ASAP1: variants seen among roughly 807,000 people sequenced by gnomAD.
ASAP1 encodes the protein ArfGAP with SH3 domain, ankyrin repeat and PH domain 1.
A neutral mutation model predicts 145.2 loss-of-function variants in ASAP1; 43 were observed. The ratio of observed to expected loss-of-function variants is 0.30; its 90% CI spans 0.23 to 0.38. The LOEUF is 0.38. Among genes scored for constraint, ASAP1 ranks in the 10% least tolerant of loss-of-function variants. The pLI is 1.00. For missense variants in ASAP1, 1,018 were observed against 1,355.3 expected, an observed-to-expected ratio of 0.75 and a Z score of 3.91; for synonymous variants, 546 against 515.5, an observed-to-expected ratio of 1.06 and a Z score of -0.80.
chr8:130,255,022 C>T (rs1192765574), intron 3 of ASAP1, among the ~76,000 whole-genome samples: 3 of 152,142 alleles, frequency 2.0e-5, no homozygotes, highest in Non-Finnish European at 2.9e-5. Flanking sequence ...TCTAGAGAGA[C>T]TAAGTGACTT....
chr8:130,157,589 C>A lies in ASAP1; in HGVS notation c.1010+2275G>T, dbSNP rs1464024226. 2.9e-4 allele frequency among the ~76,000 whole-genome samples: 44 copies of A among 152,102 alleles called. 1 individual carries two copies. Among genetic ancestry groups the A allele is most frequent in the Admixed American group, 2.9e-3 (44 of 15,252 alleles). ...GATTATGTCACTCTTGTGCTCAAAA[C>A]CCTCTAATGATTCCCCACCTCACGG... On this transcript the variant is annotated intron_variant, in intron 12 of 29. Coordinates refer to ENST00000518721, the MANE Select transcript of ASAP1 (RefSeq NM_018482.4).
intron 3 of ASAP1, among the ~76,000 whole-genome samples, chr8:130,242,475 A>G (rs1818598658): frequency 6.6e-6 from 1 of 151,916 alleles, no homozygotes; most frequent in Non-Finnish European, 1.5e-5. Flanking sequence ...ACTTTGGCCT[A>G]ATTTTGGTTT....
At chr8:130,163,703 A>T (rs2097674255) in intron 11 of ASAP1, among the ~76,000 whole-genome samples, 1 of 151,886 alleles carries the variant, frequency 6.6e-6, no homozygotes, top group Non-Finnish European at 1.5e-5. Context: ...CATTAACAAC[A>T]ATTTAAAAAC....
At chr8:130,159,719 C>T in intron 12 of ASAP1, 145 bp downstream of exon 12, 1 of 647,236 alleles carries the variant, frequency 1.5e-6, no homozygotes, top group Non-Finnish European at 2.7e-6. Context: ...CTGGTCAAAT[C>T]TCGGATTTAC....
chr8:130,307,763 C>T (rs917175782), intron 3 of ASAP1, among the ~76,000 whole-genome samples: 1 of 152,142 alleles, frequency 6.6e-6, no homozygotes, highest in African/African-American at 2.4e-5. Context: ...CAAAAGCCTG[C>T]GGAAAGTCAA....
intron 2 of ASAP1, among the ~76,000 whole-genome samples, chr8:130,369,776 G>A (rs1011779550): frequency 3.3e-5 from 5 of 152,228 alleles, no homozygotes; most frequent in African/African-American, 1.2e-4. Context: ...TGGTAGGAAT[G>A]TAAAATGGTG....
At chr8:130,264,311 C>T (rs1004793660) in intron 3 of ASAP1, among the ~76,000 whole-genome samples, 2 of 152,166 alleles carry the variant, frequency 1.3e-5, no homozygotes, top group Non-Finnish European at 2.9e-5. Context: ...TGTCAGAAAA[C>T]GCTGCTGGGA....
chr8:130,065,647 T>C (rs1381338747), intron 27 of ASAP1, among the ~76,000 whole-genome samples: 1 of 152,192 alleles, frequency 6.6e-6, no homozygotes, highest in African/African-American at 2.4e-5. Context: ...GGCCATTCCT[T>C]GGTTTTCAAT....
At chr8:130,386,402 T>C (rs1054740611) in intron 2 of ASAP1, among the ~76,000 whole-genome samples, 10 of 152,198 alleles carry the variant, frequency 6.6e-5, no homozygotes, top group African/African-American at 2.4e-4. Context: ...GCCGAGTCCA[T>C]AGCTTGAAGC....
At chr8:130,262,687 T>C (rs1172289517) in intron 3 of ASAP1, among the ~76,000 whole-genome samples, 1 of 152,180 alleles carries the variant, frequency 6.6e-6, no homozygotes, top group Non-Finnish European at 1.5e-5. Context: ...AAAATATTTA[T>C]AAAATAGGCT....
Position 130,054,785 on chromosome 8 carries a change from C to T in ASAP1, c.3336G>A (p.Gln1112=), listed in dbSNP as rs1349216253. The change falls in exon 30 of 30, where the codon CAG becomes CAA. Residue 1112 remains glutamine, a synonymous_variant. Coordinates refer to ENST00000518721, the MANE Select transcript of ASAP1 (RefSeq NM_018482.4). ...QEWWIGHIEG[Q]PERKGVFPVS... is the part of the protein sequence containing the mutation. ...CTGGAAAGACCCCCTTCCTTTCAGG[C>T]TGTCCTTCGATGTGGCCAATCTGCA... 6.2e-7 allele frequency: 1 copy of T among 1,613,614 alleles called. No individual in the cohort carries two copies. Among genetic ancestry groups the T allele is most frequent in the South Asian group, 1.1e-5 (1 of 91,080 alleles).
chr8:130,408,281 T>A (rs984125196), intron 1 of ASAP1, among the ~76,000 whole-genome samples: 5 of 152,346 alleles, frequency 3.3e-5, no homozygotes, highest in South Asian at 2.1e-4. Context: ...TGCAAGAGAT[T>A]AGCCTTTGAA....
At chr8:130,299,150 G>T (rs1175461077) in intron 3 of ASAP1, among the ~76,000 whole-genome samples, 1 of 152,146 alleles carries the variant, frequency 6.6e-6, no homozygotes, top group Non-Finnish European at 1.5e-5. Context: ...CTGCAGGTCT[G>T]CCCAGAGGCT....
At chr8:130,426,997 C>T (rs997322968) in intron 1 of ASAP1, among the ~76,000 whole-genome samples, 1 of 152,092 alleles carries the variant, frequency 6.6e-6, no homozygotes, top group African/African-American at 2.4e-5. Context: ...TAAATGCAAA[C>T]AAATATGCAT....
At chr8:130,324,817 C>A (rs1296699321) in intron 3 of ASAP1, among the ~76,000 whole-genome samples, 2 of 152,154 alleles carry the variant, frequency 1.3e-5, no homozygotes, top group Non-Finnish European at 2.9e-5. Flanking sequence ...TCATTTTTTA[C>A]AGCACCTCTT....
In ASAP1 at chr8:130,179,427, T is replaced by C. The variant is rs187626705; in HGVS notation, c.661-78A>G. 17 of 841,116 alleles carry C rather than the reference T, an allele frequency of 2.0e-5. No homozygotes were observed. In the Admixed American group the frequency reaches 3.4e-4, roughly 17 times the overall value. 52.1% of individuals were successfully genotyped at this position (841,116 alleles called of 1,614,324 possible). On this transcript the variant is annotated intron_variant, in intron 8 of 29. Transcript: ENST00000518721. ...AGCCATGGGTTCAGGTGGCTGAACA[T>C]CACCCCTGAATCTGCACAAGTTACC...
chr8:130,294,175 A>G (rs953184416), intron 3 of ASAP1, among the ~76,000 whole-genome samples: 28 of 152,206 alleles, frequency 1.8e-4, no homozygotes, highest in Admixed American at 1.8e-3. Context: ...CCAATAACCA[A>G]AATGAACTAT....
intron 19 of ASAP1, 57 bp downstream of exon 19, chr8:130,118,432 C>T (rs561737378): frequency 6.7e-4 from 1,025 of 1,531,030 alleles, no homozygotes; most frequent in Non-Finnish European, 8.1e-4. Context: ...AAATAAGTCA[C>T]CTTTTAAACT....
At chr8:130,420,472 T>C (rs1829675496) in intron 1 of ASAP1, among the ~76,000 whole-genome samples, 1 of 152,190 alleles carries the variant, frequency 6.6e-6, no homozygotes, top group South Asian at 2.1e-4. Flanking sequence ...TGTAAATGAA[T>C]GTTCATAGCA....
Sources: allele counts gnomAD v4.1 joint callset (sites outside exome capture counted in the v4.1 genomes callset), GRCh38; gene constraint gnomAD v4.1.1; transcripts MANE v1.5; gene names NCBI Gene and HGNC (gene_info 2026-07-23, HGNC 2026-07-21).